The following CAMSAP1 variants were observed in gnomAD, a reference collection of about 807,000 sequenced individuals.
CAMSAP1 encodes the protein calmodulin regulated spectrin associated protein 1.
In CAMSAP1, 58 loss-of-function variants were observed where a neutral mutation model predicts 143.5. The observed-to-expected ratio is 0.40, with a 90% CI of 0.33 to 0.50. The LOEUF (loss-of-function observed/expected upper bound fraction) is 0.50, where lower values mean the gene tolerates loss of function less well. Ranked by LOEUF, CAMSAP1 falls within the 20% of genes least tolerant of loss-of-function variation. CAMSAP1 has a pLI of 0.45. For missense variants in CAMSAP1, 1,969 were observed against 2,115.7 expected (o/e 0.93, Z 1.36); for synonymous variants, 945 against 859.3 (o/e 1.10, Z -1.74).
At chr9:135,880,093 A>G (rs945094041) in intron 3 of CAMSAP1, among the ~76,000 whole-genome samples, 1 of 152,138 alleles carries the variant, frequency 6.6e-6, no homozygotes, top group African/African-American at 2.4e-5. Context: ...CATTTTCTAT[A>G]ACTATGTCAT....
At chr9:135,836,480 CCT>C (rs1836045351) in intron 7 of CAMSAP1, 2 of 984,716 alleles carry the variant, frequency 2.0e-6, no homozygotes, top group African/African-American at 1.8e-5. Flanking sequence ...CACTTTCTAC[CCT>C]GTTCTACAGA....
intron 1 of CAMSAP1, among the ~76,000 whole-genome samples, chr9:135,885,533 G>C (rs1838095894): frequency 6.6e-6 from 1 of 152,170 alleles, no homozygotes; most frequent in Admixed American, 6.5e-5. Flanking sequence ...TGGAAGCAGG[G>C]TGAGCCCCAG....
chr9:135,822,546 G>A lies in CAMSAP1; in HGVS notation c.2115C>T (p.Gly705=), dbSNP rs773269464. The stretch of plus-strand genomic sequence containing the variant: ...TTCCCTCGGTGTCTTCATCGGCCCT[G>A]CCTACATGAAGGAAGAAGCCATCCG... The part of the protein sequence containing the change: ...PSTDGFFLHV[G]RADEDTEGRL... Residue 705 remains glycine (G), a synonymous_variant, in exon 11 of 17, where the codon GGC becomes GGT. Coordinates refer to ENST00000389532, the MANE Select transcript of CAMSAP1 (RefSeq NM_015447.4). The surrounding 1 kb of genome is among the most constrained non-coding windows in gnomAD (Gnocchi z 6.1). The A allele has an allele frequency of 4.3e-6, 7 of 1,613,748 alleles. No homozygotes were observed. In the South Asian group the frequency reaches 7.7e-5, roughly 18 times the overall value.
rs1835663354 is a variant in CAMSAP1, at chr9:135,826,146, A to AGCTGGGTGC, written c.1223+1260_1223+1261insGCACCCAGC. 2 of 152,400 alleles carry AGCTGGGTGC rather than the reference A, an allele frequency of 1.3e-5. No homozygotes were observed. The highest frequency in any genetic ancestry group is 4.8e-5 in the African/African-American group (2 of 41,416). The allele number at this position is 152,400 out of a possible 1,614,324, so 9.4% of individuals were successfully genotyped here. On this transcript the variant is annotated intron_variant, in intron 8 of 16. Transcript: ENST00000389532. This position sits in a 1 kb window ranked among gnomAD's most constrained non-coding sequence, Gnocchi z 4.4. ...TCACCACAGGCTGCTGGGTGCAGACAACAGGGTGCAGACAGCAGGTCACAG... is the reference window on the plus strand; with the variant it reads ...TCACCACAGGCTGCTGGGTGCAGACAGCTGGGTGCACAGGGTGCAGACAGCAGGTCACAG...
chr9:135,900,863 G>A (rs571683295), intron 1 of CAMSAP1, among the ~76,000 whole-genome samples: 1 of 151,910 alleles, frequency 6.6e-6, no homozygotes. Flanking sequence ...TAAGCGATTC[G>A]TCTGCCTCAG....
Position 135,822,293 on chromosome 9 carries a change from C to T in CAMSAP1, c.2368G>A (p.Gly790Ser), listed in dbSNP as rs751346082. The part of the protein sequence containing the change: ...KEHEDKDDAS[G>S]RSSPCLSTAS... ...GTGCTCAGGCAGGGGCTCGAGCGGC[C>T]GCTGGCGTCATCTTTGTCTTCATGT... Residue 790 changes from glycine to serine, a missense_variant, in exon 11 of 17, where the codon GGC (glycine) becomes AGC (serine). Physicochemically the swap from Gly to Ser is moderately conservative, Grantham distance 56 (BLOSUM62 0). This residue lies in a region of CAMSAP1 where 1,390 missense variants were observed against 1,420.8 expected (regional missense o/e 0.98). Transcript: ENST00000389532. This position sits in a 1 kb window ranked among gnomAD's most constrained non-coding sequence, Gnocchi z 6.1. The T allele has an allele frequency of 8.7e-6, 14 of 1,613,886 alleles. No individual in the cohort carries two copies. The highest frequency in any genetic ancestry group is 5.0e-5 in the Admixed American group (3 of 60,010).
In CAMSAP1 at chr9:135,818,419, C is replaced by A. The variant is rs1443327836; in HGVS notation, c.4157G>T (p.Cys1386Phe). The A allele has an allele frequency of 6.3e-6, 10 of 1,583,282 alleles. No homozygotes were observed. Among genetic ancestry groups the A allele is most frequent in the Non-Finnish European group, 7.7e-6 (9 of 1,170,430 alleles). The change falls in exon 13 of 17, where the codon TGC becomes TTC. Residue 1386 changes from cysteine (C) to phenylalanine (F), a missense_variant. Physicochemically the swap from Cys to Phe is radical, Grantham distance 205 (BLOSUM62 -2). Around this residue, in one of 4 missense-constraint regions of CAMSAP1, gnomAD observed 1,390 missense variants for 1,420.8 expected, o/e 0.98. Coordinates refer to ENST00000389532, the MANE Select transcript of CAMSAP1 (RefSeq NM_015447.4). This position sits in a 1 kb window ranked among gnomAD's most constrained non-coding sequence, Gnocchi z 7.7. The part of the protein sequence containing the change: ...EESCSDSGTK[C>F]SSTPDNLSRT... Reference sequence around the variant, plus strand: ...CCGGGGCTGCTTACGGGTGGAGGAGCACTTGGTGCCGGAGTCGCTGCACGA... The same window carrying A: ...CCGGGGCTGCTTACGGGTGGAGGAGAACTTGGTGCCGGAGTCGCTGCACGA...
chr9:135,824,006 G>C lies in CAMSAP1; in HGVS notation c.1344C>G (p.Thr448=), dbSNP rs1243995456. The C allele has an allele frequency of 2.5e-6, 4 of 1,588,018 alleles. No homozygotes were observed. Among genetic ancestry groups the C allele is most frequent in the Non-Finnish European group, 3.4e-6 (4 of 1,166,766 alleles). ...CTCCTCGAGGCTGACCATCAACTCG[G>C]GTCAAAGAATTCGATCGATGTCGCT... ...PDQRHRSNSL[T]RVDGQPRGAA... Residue 448 remains threonine, a synonymous_variant, in exon 10 of 17, where the codon ACC becomes ACG. Coordinates refer to ENST00000389532, the MANE Select transcript of CAMSAP1 (RefSeq NM_015447.4). This position sits in a 1 kb window ranked among gnomAD's most constrained non-coding sequence, Gnocchi z 4.1.
chr9:135,820,790 G>C lies in CAMSAP1; in HGVS notation c.3822+49C>G. The C allele has an allele frequency of 6.3e-7, 1 of 1,590,584 alleles. No homozygotes were observed. Among genetic ancestry groups the C allele is most frequent in the Non-Finnish European group, 8.5e-7 (1 of 1,169,872 alleles). On this transcript the variant is annotated intron_variant, in intron 11 of 16. Transcript: ENST00000389532. This position sits in a 1 kb window ranked among gnomAD's most constrained non-coding sequence, Gnocchi z 4.4. ...TGTTCTCTAACTCACTATCACGTGG[G>C]GTGGCAACACATCACGAGTGCCTGA...
At chr9:135,864,378 G>T (rs558310111) in intron 4 of CAMSAP1, among the ~76,000 whole-genome samples, 112 of 152,324 alleles carry the variant, frequency 7.4e-4, no homozygotes, top group African/African-American at 2.5e-3. Flanking sequence ...GAGGCAAAAT[G>T]ATCTGTGAGC....
intron 11 of CAMSAP1, 35 bp from the exon 12 acceptor site, chr9:135,819,181 AC>A: frequency 6.4e-7 from 1 of 1,573,666 alleles, no homozygotes; most frequent in Non-Finnish European, 8.6e-7. Flanking sequence ...CATGACAGGA[AC>A]CCCCTCAGAC....
intron 3 of CAMSAP1, among the ~76,000 whole-genome samples, chr9:135,870,203 G>A (rs952331106): frequency 6.6e-6 from 1 of 152,196 alleles, no homozygotes; most frequent in Non-Finnish European, 1.5e-5. Context: ...CGAGGTGGGA[G>A]GTGACTGGAT....
intron 7 of CAMSAP1, among the ~76,000 whole-genome samples, chr9:135,828,282 G>T (rs1448273393): frequency 6.6e-6 from 1 of 152,282 alleles, no homozygotes. Context: ...AAGGCAAGAG[G>T]TGGGGCCATA....
intron 14 of CAMSAP1, among the ~76,000 whole-genome samples, chr9:135,816,921 T>C (rs1244184838): frequency 6.6e-6 from 1 of 152,164 alleles, no homozygotes; most frequent in Non-Finnish European, 1.5e-5. Flanking sequence ...CTCCTGAAGT[T>C]ACTTTCTCAT....
chr9:135,820,320 T>G lies in CAMSAP1; in HGVS notation c.3822+519A>C, dbSNP rs2131652602. The stretch of plus-strand genomic sequence containing the variant: ...AACGAACGTCACAGCAAACATCATG[T>G]GACGCACTGACTATTAAAACAGTTC... On this transcript the variant is annotated intron_variant, in intron 11 of 16. Coordinates refer to ENST00000389532, the MANE Select transcript of CAMSAP1 (RefSeq NM_015447.4). This position sits in a 1 kb window ranked among gnomAD's most constrained non-coding sequence, Gnocchi z 4.4. Among the ~76,000 whole-genome samples, 1 of 152,336 alleles carries G rather than the reference T, an allele frequency of 6.6e-6. No homozygotes were observed. Among genetic ancestry groups the G allele is most frequent in the Non-Finnish European group, 1.5e-5 (1 of 68,020 alleles).
intron 6 of CAMSAP1, 22 bp downstream of exon 6, chr9:135,850,300 A>T: frequency 6.2e-7 from 1 of 1,610,842 alleles, no homozygotes; most frequent in South Asian, 1.1e-5. Flanking sequence ...TTAAAACTGC[A>T]TGCCAAATAA....
rs568950322 is a variant in CAMSAP1, at chr9:135,872,088, G to GA, written c.586-5553dup. 1.1e-4 allele frequency among the ~76,000 whole-genome samples: 16 copies of GA among 151,528 alleles called. No individual in the cohort carries two copies. The South Asian group carries it at 3.3e-3, about 32-fold the overall frequency. On this transcript the variant is annotated intron_variant, in intron 3 of 16. Transcript: ENST00000389532. ...GCACTCCAACCTGGGTAACAAGAGC[G>GA]AAACTCCCATCTCAAAAAAAAAACG... is the stretch of plus-strand genomic sequence containing the variant.
Position 135,825,906 on chromosome 9 carries a change from C to T in CAMSAP1, c.1224-1026G>A, listed in dbSNP as rs533564007. 1.7e-3 allele frequency among the ~76,000 whole-genome samples: 253 copies of T among 152,198 alleles called. 2 individuals carry two copies. Among genetic ancestry groups the T allele is most frequent in the African/African-American group, 5.7e-3 (236 of 41,518 alleles). On this transcript the variant is annotated intron_variant, in intron 8 of 16. Transcript: ENST00000389532. ...GAGCAGGTGTGCAGGAGCACACAAG[C>T]GAAAGGGTTGCGGAGAGAGGGGCTC... is the stretch of plus-strand genomic sequence containing the variant.
At chr9:135,835,063 G>T (rs1835972902) in intron 7 of CAMSAP1, among the ~76,000 whole-genome samples, 1 of 152,060 alleles carries the variant, frequency 6.6e-6, no homozygotes, top group African/African-American at 2.4e-5. Flanking sequence ...GACTCTGAGG[G>T]CCCTTGTCAA....
Sources: allele counts gnomAD v4.1 joint callset (sites outside exome capture counted in the v4.1 genomes callset), GRCh38; gene constraint gnomAD v4.1.1; regional missense constraint gnomAD v4.1.1; non-coding constraint Gnocchi (gnomAD v3.1); transcripts MANE v1.5; gene names NCBI Gene and HGNC (gene_info 2026-07-23, HGNC 2026-07-21).